The following IGFBPL1 variants were observed in gnomAD, a reference collection of about 807,000 sequenced individuals.
IGFBPL1 encodes insulin-like growth factor-binding protein-like 1.
A neutral mutation model predicts 23.9 loss-of-function variants in IGFBPL1; 20 were observed. The observed-to-expected ratio is 0.84, with a 90% CI of 0.59 to 1.22. The LOEUF (loss-of-function observed/expected upper bound fraction) is 1.22. Ranked by LOEUF, IGFBPL1 falls within the 50% of genes most tolerant of loss-of-function variation. IGFBPL1 has a pLI of 0.00. For synonymous variants in IGFBPL1, 184 were observed against 171.8 expected (o/e 1.07, Z -0.56); for missense variants, 436 against 379.3 (o/e 1.15, Z -1.24).
intron 1 of IGFBPL1, among the ~76,000 whole-genome samples, chr9:38,415,113 A>G (rs1449200109): frequency 2.6e-5 from 4 of 152,190 alleles, no homozygotes; most frequent in East Asian, 3.9e-4. Flanking sequence ...GCTGTCATCT[A>G]TAAGGTGGGG....
At position 38,415,810 on chromosome 9, in the gene IGFBPL1, C is replaced by T. The variant is rs566518880; in HGVS notation, c.461-1607G>A. Among the ~76,000 whole-genome samples the T allele has an allele frequency of 1.8e-3, 279 of 152,268 alleles. 1 individual carries two copies. Among genetic ancestry groups the T allele is most frequent in the Admixed American group, 3.5e-3 (54 of 15,292 alleles). The stretch of plus-strand genomic sequence containing the variant: ...GGGGCTGCCCTCTGGAGCCCCATAG[C>T]CCCTGGGTGTCCCAGCAGCCCACCA... On this transcript the variant is annotated intron_variant, in intron 1 of 4. Coordinates refer to ENST00000377694, the MANE Select transcript of IGFBPL1 (RefSeq NM_001007563.3).
chr9:38,420,683 CA>C (rs921107639), intron 1 of IGFBPL1, among the ~76,000 whole-genome samples: 1 of 152,080 alleles, frequency 6.6e-6, no homozygotes, highest in Non-Finnish European at 1.5e-5. Context: ...GTACAAAAAA[CA>C]AAATTAGCCA....
intron 1 of IGFBPL1, among the ~76,000 whole-genome samples, chr9:38,420,235 C>T (rs1196120464): frequency 1.3e-5 from 2 of 152,220 alleles, no homozygotes; most frequent in Non-Finnish European, 2.9e-5. Context: ...GTGTCATCTC[C>T]TTTCCCAACC....
chr9:38,424,020 C>A lies in IGFBPL1; in HGVS notation c.405G>T (p.Thr135=). The change falls in exon 1 of 5, where the codon ACG becomes ACT. Residue 135 remains threonine, a synonymous_variant. Transcript: ENST00000377694. Reference sequence around the variant, plus strand: ...GCAGGTGACCGGGGTGCGCGCGGGGCGTGTGCCGAGCGCGCAGGCGCAGCG... The same window carrying A: ...GCAGGTGACCGGGGTGCGCGCGGGGAGTGTGCCGAGCGCGCAGGCGCAGCG... The part of the protein sequence containing the change: ...VCALRLRARH[T]PRAHPGHLHK... 2 of 1,408,082 alleles carry A rather than the reference C, an allele frequency of 1.4e-6. No homozygotes were observed. The highest frequency in any genetic ancestry group is 7.0e-5 in the Admixed American group (2 of 28,746). The allele number at this position is 1,408,082 out of a possible 1,614,324, so 87.2% of individuals were successfully genotyped here. A position where few individuals can be genotyped will look rare whatever the true frequency, so the allele number is the denominator to read the frequency against.
chr9:38,424,375 G>GGCA lies in IGFBPL1; in HGVS notation c.47_49dup (p.Leu16dup), dbSNP rs756148156. On this transcript the variant is annotated inframe_insertion, in exon 1 of 5. Transcript: ENST00000377694. ...GCTCGGGGACAGCGGCGGCAGCAGCGGCAGCAGCAGCAGAAGCAGCAGCGG... is the reference window on the plus strand; with the variant it reads ...GCTCGGGGACAGCGGCGGCAGCAGCGGCAGCAGCAGCAGCAGAAGCAGCAGCGG... 14 of 682,436 alleles carry GGCA rather than the reference G, an allele frequency of 2.1e-5. No individual in the cohort carries two copies. The African/African-American group carries it at 2.1e-4, about 10-fold the overall frequency. The allele number at this position is 682,436 out of a possible 1,614,324, so 42.3% of individuals were successfully genotyped here. A position where few individuals can be genotyped will look rare whatever the true frequency, so the allele number is the denominator to read the frequency against.
chr9:38,416,960 C>G (rs1301198553), intron 1 of IGFBPL1, among the ~76,000 whole-genome samples: 2 of 152,118 alleles, frequency 1.3e-5, no homozygotes, highest in African/African-American at 4.8e-5. Flanking sequence ...GGAATACAGG[C>G]ATGAGTCACT....
rs1587414176 is a variant in IGFBPL1, at chr9:38,414,223, A to C, written c.461-20T>G. On this transcript the variant is annotated intron_variant, in intron 1 of 4. Coordinates refer to ENST00000377694, the MANE Select transcript of IGFBPL1 (RefSeq NM_001007563.3). ...CAGGAGCTAGGAGGAGGAGACAAGG[A>C]GACGCAGCCTTTACCCTGCAGGGTT... 6.7e-7 allele frequency: 1 copy of C among 1,497,426 alleles called. No individual in the cohort carries two copies. The highest frequency in any genetic ancestry group is 2.3e-5 in the East Asian group (1 of 44,104). 92.8% of individuals were successfully genotyped at this position (1,497,426 alleles called of 1,614,324 possible). A position where few individuals can be genotyped will look rare whatever the true frequency, so the allele number is the denominator to read the frequency against.
At chr9:38,421,146 C>T (rs1310953673) in intron 1 of IGFBPL1, among the ~76,000 whole-genome samples, 1 of 151,444 alleles carries the variant, frequency 6.6e-6, no homozygotes, top group African/African-American at 2.4e-5. Context: ...TTCTAAAAAT[C>T]AGCTGGGCAT....
intron 1 of IGFBPL1, among the ~76,000 whole-genome samples, chr9:38,414,927 C>T (rs1821577696): frequency 6.6e-6 from 1 of 152,216 alleles, no homozygotes; most frequent in Non-Finnish European, 1.5e-5. Context: ...CACACTCTGC[C>T]TTCCTCCCCA....
chr9:38,411,177 CTT>C (rs1338508920), intron 4 of IGFBPL1, among the ~76,000 whole-genome samples: 1 of 152,322 alleles, frequency 6.6e-6, no homozygotes, highest in East Asian at 1.9e-4. Context: ...GTTCACAGCT[CTT>C]GTCTTTGCAT....
intron 1 of IGFBPL1, among the ~76,000 whole-genome samples, chr9:38,420,570 A>G (rs1821665448): frequency 6.6e-6 from 1 of 152,208 alleles, no homozygotes; most frequent in African/African-American, 2.4e-5. Context: ...ATGGTGGCGC[A>G]CGCCTGTAAT....
chr9:38,412,060 C>G (rs574656283), intron 3 of IGFBPL1, among the ~76,000 whole-genome samples: 1 of 152,284 alleles, frequency 6.6e-6, no homozygotes, highest in South Asian at 2.1e-4. Flanking sequence ...AGAAGAGTCA[C>G]CAAGCCTCCC....
At chr9:38,411,319 C>T in intron 4 of IGFBPL1, 72 bp downstream of exon 4, 1 of 1,317,566 alleles carries the variant, frequency 7.6e-7, no homozygotes, top group Non-Finnish European at 1.0e-6. Flanking sequence ...CTTTTTTTTA[C>T]AGGTCTTATA....
intron 1 of IGFBPL1, among the ~76,000 whole-genome samples, chr9:38,421,678 C>T (rs1477970467): frequency 1.3e-5 from 2 of 152,174 alleles, no homozygotes; most frequent in East Asian, 3.9e-4. Flanking sequence ...AAAACGCTCC[C>T]GCTGTGTCTT....
intron 4 of IGFBPL1, 94 bp downstream of exon 4, chr9:38,411,297 C>A: frequency 9.3e-7 from 1 of 1,077,710 alleles, no homozygotes; most frequent in South Asian, 1.6e-5. Context: ...CCTCCATTTA[C>A]GTATTTTTCT....
chr9:38,416,734 G>A (rs748537144), intron 1 of IGFBPL1, among the ~76,000 whole-genome samples: 26 of 150,956 alleles, frequency 1.7e-4, no homozygotes, highest in Non-Finnish European at 2.7e-4. Context: ...GAATGAAGTG[G>A]CACAATCATA....
At chr9:38,415,268 G>A (rs952540799) in intron 1 of IGFBPL1, among the ~76,000 whole-genome samples, 6 of 152,194 alleles carry the variant, frequency 3.9e-5, no homozygotes, top group African/African-American at 1.4e-4. Context: ...GAACAAACAT[G>A]TTCATTTCCA....
At chr9:38,417,278 T>C (rs1266424315) in intron 1 of IGFBPL1, among the ~76,000 whole-genome samples, 1 of 152,206 alleles carries the variant, frequency 6.6e-6, no homozygotes, top group Non-Finnish European at 1.5e-5. Context: ...TCTGAACCAC[T>C]GTGCTAACAC....
At chr9:38,418,430 G>C (rs1267811840) in intron 1 of IGFBPL1, among the ~76,000 whole-genome samples, 1 of 152,188 alleles carries the variant, frequency 6.6e-6, no homozygotes, top group African/African-American at 2.4e-5. Flanking sequence ...CTCTGCAGAG[G>C]GACTTGAGGA....
Sources: allele counts gnomAD v4.1 joint callset (sites outside exome capture counted in the v4.1 genomes callset), GRCh38; gene constraint gnomAD v4.1.1; transcripts MANE v1.5; gene names NCBI Gene and HGNC (gene_info 2026-07-23, HGNC 2026-07-21).